Variants in NYAP2 observed in about 807,000 individuals in gnomAD.
The protein encoded by NYAP2 is neuronal tyrosine-phosphorylated phosphoinositide-3-kinase adapter 2.
In NYAP2, 23 loss-of-function variants were observed where a neutral mutation model predicts 50.4. The ratio of observed to expected loss-of-function variants is 0.46; its 90% CI spans 0.33 to 0.65. The LOEUF (loss-of-function observed/expected upper bound fraction) is 0.65, where lower values mean the gene tolerates loss of function less well. Ranked by LOEUF, NYAP2 falls within the 30% of genes least tolerant of loss-of-function variation. The probability of loss-of-function intolerance (pLI) is 0.02; values close to 1 mark genes in which losing one functional copy is unlikely to be tolerated. For missense variants in NYAP2, 885 were observed against 861.0 expected (o/e 1.03, Z -0.35); for synonymous variants, 394 against 365.2 (o/e 1.08, Z -0.90).
At chr2:225,616,302 A>G (rs1692989324) in intron 5 of NYAP2, among the ~76,000 whole-genome samples, 1 of 152,220 alleles carries the variant, frequency 6.6e-6, no homozygotes, top group Non-Finnish European at 1.5e-5. Context: ...TATACAAGAG[A>G]GAAGGAATAA....
chr2:225,574,059 A>G (rs551042694), intron 4 of NYAP2, among the ~76,000 whole-genome samples: 6 of 152,314 alleles, frequency 3.9e-5, no homozygotes, highest in Non-Finnish European at 8.8e-5. Context: ...CCTGTTCCCC[A>G]AAAGTTTCAT....
chr2:225,539,041 C>T (rs1007277927), intron 4 of NYAP2, among the ~76,000 whole-genome samples: 2 of 151,904 alleles, frequency 1.3e-5, no homozygotes, highest in Non-Finnish European at 2.9e-5. Context: ...TTCCCCTCCC[C>T]GTGTCTGTGT....
intron 5 of NYAP2, among the ~76,000 whole-genome samples, chr2:225,596,660 A>G (rs1286725549): frequency 6.6e-6 from 1 of 152,204 alleles, no homozygotes; most frequent in Non-Finnish European, 1.5e-5. Context: ...ATGATTAACC[A>G]ATATTGATTT....
intron 3 of NYAP2, among the ~76,000 whole-genome samples, chr2:225,461,229 G>A (rs1318704212): frequency 6.6e-6 from 1 of 152,132 alleles, no homozygotes; most frequent in African/African-American, 2.4e-5. Context: ...GCCCAGAAAA[G>A]CCTGTGCCAA....
intron 4 of NYAP2, among the ~76,000 whole-genome samples, chr2:225,547,286 A>C (rs768712689): frequency 6.6e-6 from 1 of 152,146 alleles, no homozygotes; most frequent in South Asian, 2.1e-4. Context: ...ATTTAATTAC[A>C]TGGCATAAGC....
chr2:225,614,856 A>C (rs545369655), intron 5 of NYAP2, among the ~76,000 whole-genome samples: 142 of 152,340 alleles, frequency 9.3e-4, no homozygotes, highest in African/African-American at 3.3e-3. Context: ...AAACCTCAGC[A>C]GTGTACTGGA....
intron 3 of NYAP2, among the ~76,000 whole-genome samples, chr2:225,511,374 A>G (rs1338108793): frequency 1.2e-5 from 1 of 83,314 alleles, no homozygotes; most frequent in African/African-American, 4.8e-5. Flanking sequence ...ACACACACAC[A>G]GAGAGAGAGA....
intron 5 of NYAP2, among the ~76,000 whole-genome samples, chr2:225,603,661 T>A (rs1231512490): frequency 1.3e-5 from 2 of 152,186 alleles, no homozygotes; most frequent in Non-Finnish European, 2.9e-5. Flanking sequence ...CATGTCTCAA[T>A]GATTTTTTTG....
intron 3 of NYAP2, among the ~76,000 whole-genome samples, chr2:225,451,542 A>T (rs1425216735): frequency 6.6e-6 from 1 of 152,180 alleles, no homozygotes. Flanking sequence ...CTAGCAGATG[A>T]TGTATTCTTT....
chr2:225,609,360 A>G (rs1692841907), intron 5 of NYAP2, among the ~76,000 whole-genome samples: 1 of 152,068 alleles, frequency 6.6e-6, no homozygotes, highest in Non-Finnish European at 1.5e-5. Context: ...AGAGACCCTT[A>G]CTTTTTGTCC....
intron 3 of NYAP2, among the ~76,000 whole-genome samples, chr2:225,508,904 T>C (rs1461981458): frequency 6.6e-6 from 1 of 152,160 alleles, no homozygotes; most frequent in Non-Finnish European, 1.5e-5. Context: ...GCCACACACC[T>C]CCATGGCTGC....
At chr2:225,434,008 A>G (rs993418048) in intron 3 of NYAP2, among the ~76,000 whole-genome samples, 1 of 152,180 alleles carries the variant, frequency 6.6e-6, no homozygotes, top group Non-Finnish European at 1.5e-5. Flanking sequence ...ATTTTAATAA[A>G]AAGATCTATC....
At chr2:225,479,994 A>C (rs1026158596) in intron 3 of NYAP2, among the ~76,000 whole-genome samples, 4 of 152,084 alleles carry the variant, frequency 2.6e-5, no homozygotes, top group Non-Finnish European at 5.9e-5. Flanking sequence ...TTGTCTACTG[A>C]CGTCACTGGA....
intron 3 of NYAP2, among the ~76,000 whole-genome samples, chr2:225,509,274 C>G (rs1305884668): frequency 4.6e-5 from 7 of 152,168 alleles, no homozygotes; most frequent in Non-Finnish European, 8.8e-5. Flanking sequence ...TTGGCCAAGA[C>G]AGTATCAAGA....
chr2:225,518,574 G>T (rs10469673), intron 4 of NYAP2, among the ~76,000 whole-genome samples: 79,301 of 79,832 alleles, frequency 0.99, 39,388 homozygotes, highest in Middle Eastern at 1. Flanking sequence ...ATATATTAGC[G>T]TGTGCGCTTA....
chr2:225,505,169 A>G (rs1690683478), intron 3 of NYAP2, among the ~76,000 whole-genome samples: 1 of 152,206 alleles, frequency 6.6e-6, no homozygotes, highest in Admixed American at 6.5e-5. Flanking sequence ...AAAGATGTGT[A>G]AAAATCCCAC....
chr2:225,628,014 G>T (rs558951310), intron 6 of NYAP2, among the ~76,000 whole-genome samples: 2 of 151,876 alleles, frequency 1.3e-5, no homozygotes, highest in Non-Finnish European at 2.9e-5. Context: ...TCAGACAGTC[G>T]TGCACAAGTT....
intron 4 of NYAP2, among the ~76,000 whole-genome samples, chr2:225,553,961 A>G (rs1691727027): frequency 1.3e-5 from 2 of 152,304 alleles, no homozygotes; most frequent in South Asian, 4.1e-4. Context: ...CAGAGGTTGT[A>G]GTGAGCCGAG....
chr2:225,532,295 A>G (rs2106197987), intron 4 of NYAP2, among the ~76,000 whole-genome samples: 1 of 152,286 alleles, frequency 6.6e-6, no homozygotes, highest in South Asian at 2.1e-4. Context: ...GTGTGCATAA[A>G]TCTTGCTTTA....
Sources: gnomAD v4.1 joint callset for allele counts (sites outside exome capture counted in the v4.1 genomes callset) on GRCh38, gnomAD v4.1.1 for gene constraint, MANE v1.5 for transcripts, NCBI Gene and HGNC (gene_info 2026-07-23, HGNC 2026-07-21) for gene names.